Variants in COL23A1 observed in about 807,000 individuals in gnomAD.
COL23A1 encodes the protein collagen alpha-1(XXIII) chain.
A neutral mutation model predicts 99.3 loss-of-function variants in COL23A1; 97 were observed. The ratio of observed to expected loss-of-function variants is 0.98; its 90% CI spans 0.83 to 1.16. The LOEUF is 1.16. Ranked by LOEUF, COL23A1 falls within the 50% of genes most tolerant of loss-of-function variation. COL23A1 has a pLI of 0.00. For missense variants in COL23A1, 762 were observed against 757.4 expected (o/e 1.01, Z -0.07); for synonymous variants, 320 against 308.2 (o/e 1.04, Z -0.40).
At chr5:178,344,706 G>T (rs1321182408) in intron 2 of COL23A1, 1 of 312,574 alleles carries the variant, frequency 3.2e-6, no homozygotes, top group Non-Finnish European at 6.0e-6. Flanking sequence ...TAATATGTTT[G>T]ATCTACAGTT....
intron 11 of COL23A1, among the ~76,000 whole-genome samples, chr5:178,260,266 C>T (rs1397859904): frequency 6.6e-6 from 1 of 152,236 alleles, no homozygotes; most frequent in Non-Finnish European, 1.5e-5. Context: ...GCCAACATGT[C>T]CTTCAGTCGG....
intron 1 of COL23A1, among the ~76,000 whole-genome samples, chr5:178,576,367 T>G (rs1164968026): frequency 1.3e-5 from 2 of 152,110 alleles, no homozygotes; most frequent in Non-Finnish European, 2.9e-5. Flanking sequence ...CCCTCCCAAG[T>G]AGCTGGGACT....
chr5:178,521,252 C>T (rs1365726523), intron 2 of COL23A1, among the ~76,000 whole-genome samples: 2 of 152,168 alleles, frequency 1.3e-5, no homozygotes, highest in African/African-American at 2.4e-5. Context: ...TACATTTACT[C>T]GCTAAAACTA....
intron 2 of COL23A1, chr5:178,344,798 C>A: frequency 1.7e-6 from 1 of 576,384 alleles, no homozygotes; most frequent in South Asian, 1.6e-5. Flanking sequence ...CCAAATTTCT[C>A]TTTGTTAAGA....
chr5:178,504,974 C>T (rs75784715), intron 2 of COL23A1, among the ~76,000 whole-genome samples: 155 of 152,322 alleles, frequency 1.0e-3, no homozygotes, highest in African/African-American at 3.5e-3. Flanking sequence ...CCTTACTGAG[C>T]ACCATCAGCT....
intron 2 of COL23A1, among the ~76,000 whole-genome samples, chr5:178,357,748 ATG>A (rs940563432): frequency 1.6e-4 from 22 of 138,412 alleles, no homozygotes; most frequent in Middle Eastern, 4.3e-3. Context: ...ATGTACGTGT[ATG>A]TGTGTGTGTA....
At chr5:178,316,206 C>T (rs1177947674) in intron 2 of COL23A1, among the ~76,000 whole-genome samples, 1 of 152,114 alleles carries the variant, frequency 6.6e-6, no homozygotes, top group African/African-American at 2.4e-5. Flanking sequence ...ATATTTACTT[C>T]TAGATAGGAA....
At chr5:178,587,809 T>C (rs1405912348) in intron 1 of COL23A1, among the ~76,000 whole-genome samples, 1 of 152,328 alleles carries the variant, frequency 6.6e-6, no homozygotes, top group East Asian at 1.9e-4. Context: ...CCGGCCAGGC[T>C]GTGTACATTT....
At chr5:178,375,409 T>G (rs1388954142) in intron 2 of COL23A1, among the ~76,000 whole-genome samples, 1 of 152,218 alleles carries the variant, frequency 6.6e-6, no homozygotes, top group East Asian at 1.9e-4. Context: ...GCATCCTGTC[T>G]TCCGCATGGC....
chr5:178,305,071 T>C (rs975089169), intron 3 of COL23A1, among the ~76,000 whole-genome samples: 10 of 152,136 alleles, frequency 6.6e-5, no homozygotes, highest in African/African-American at 1.7e-4. Context: ...CAGGAACTTA[T>C]AATAAAAGGC....
At chr5:178,576,629 G>A (rs1332698001) in intron 1 of COL23A1, among the ~76,000 whole-genome samples, 2 of 152,196 alleles carry the variant, frequency 1.3e-5, no homozygotes, top group African/African-American at 4.8e-5. Context: ...CAGGCGGTAG[G>A]AGCGGGGACA....
intron 2 of COL23A1, among the ~76,000 whole-genome samples, chr5:178,337,959 T>G (rs1023201615): frequency 6.6e-6 from 1 of 152,198 alleles, no homozygotes; most frequent in South Asian, 2.1e-4. Flanking sequence ...TGCCAGGCAC[T>G]GTGTTTTGCG....
chr5:178,250,466 G>C (rs1764975486), intron 17 of COL23A1, among the ~76,000 whole-genome samples: 1 of 152,202 alleles, frequency 6.6e-6, no homozygotes, highest in African/African-American at 2.4e-5. Flanking sequence ...GAATGGTGCA[G>C]GCCACAGGGT....
chr5:178,358,350 GTGTGTA>G (rs748665998), intron 2 of COL23A1, among the ~76,000 whole-genome samples: 30 of 121,888 alleles, frequency 2.5e-4, no homozygotes, highest in East Asian at 4.9e-4. Flanking sequence ...TGTGTGTATT[GTGTGTA>G]TGTGTATGTG....
At chr5:178,552,254 A>G (rs561020138) in intron 2 of COL23A1, among the ~76,000 whole-genome samples, 1 of 152,290 alleles carries the variant, frequency 6.6e-6, no homozygotes, top group African/African-American at 2.4e-5. Flanking sequence ...ATCTTAGTCA[A>G]TAGCTCCCCC....
chr5:178,497,855 A>G lies in COL23A1; in HGVS notation c.361+62827T>C, dbSNP rs11957749. ...ATAATGTGGAAAATAAAAATGACAT[A>G]TGAAGAACAGAATGAGTCCCAAAAA... On this transcript the variant is annotated intron_variant, in intron 2 of 28. Transcript: ENST00000390654. 2.3e-3 allele frequency among the ~76,000 whole-genome samples: 346 copies of G among 152,246 alleles called. 2 individuals carry two copies. The highest frequency in any genetic ancestry group is 8.1e-3 in the African/African-American group (337 of 41,554).
rs1307768777 is a variant in COL23A1, at chr5:178,589,958, C to A, written c.240G>T (p.Pro80=). 24 of 1,327,736 alleles carry A rather than the reference C, an allele frequency of 1.8e-5. No homozygotes were observed. Among genetic ancestry groups the A allele is most frequent in the Middle Eastern group, 2.8e-4 (1 of 3,514 alleles). 82.2% of individuals were successfully genotyped at this position (1,327,736 alleles called of 1,614,324 possible). A position where few individuals can be genotyped will look rare whatever the true frequency, so the allele number is the denominator to read the frequency against. ...EERELLRRAG[P]PGALDAWAEP... is the part of the protein sequence containing the mutation. Reference sequence around the variant, plus strand: ...CGGCCCAGGCGTCCAGGGCGCCTGGCGGCCCCGCGCGCCGCAGCAGCTCCC... The same window carrying A: ...CGGCCCAGGCGTCCAGGGCGCCTGGAGGCCCCGCGCGCCGCAGCAGCTCCC... Residue 80 remains proline (P), a synonymous_variant, in exon 1 of 29, where the codon CCG becomes CCT. Transcript: ENST00000390654. This position sits in a 1 kb window ranked among gnomAD's most constrained non-coding sequence, Gnocchi z 5.4.
intron 8 of COL23A1, among the ~76,000 whole-genome samples, chr5:178,263,634 C>T (rs7709769): frequency 0.24 from 36,913 of 152,144 alleles, 4,979 homozygotes; most frequent in East Asian, 0.57. Context: ...GGAGACAGCA[C>T]GTGTGTCCAG....
chr5:178,538,239 C>G (rs1038238567), intron 2 of COL23A1, among the ~76,000 whole-genome samples: 2 of 152,222 alleles, frequency 1.3e-5, no homozygotes, highest in Non-Finnish European at 2.9e-5. Context: ...TAGGCAGATT[C>G]CCGCAGAAGC....
Sources: gnomAD v4.1 joint callset for allele counts (sites outside exome capture counted in the v4.1 genomes callset) on GRCh38, gnomAD v4.1.1 for gene constraint, Gnocchi (gnomAD v3.1) non-coding constraint, MANE v1.5 for transcripts, NCBI Gene and HGNC (gene_info 2026-07-23, HGNC 2026-07-21) for gene names.